The following TTK variants were observed in gnomAD, a reference collection of about 807,000 sequenced individuals.
TTK encodes the protein TTK protein kinase.
In TTK, 59 loss-of-function variants were observed where a neutral mutation model predicts 117.3. That is an observed-to-expected ratio of 0.50 (90% CI 0.41 to 0.62). The LOEUF is 0.62. TTK is among the 20% of genes least tolerant of loss of function. The pLI is 0.00. For missense variants in TTK, 921 were observed against 989.4 expected (o/e 0.93, Z 0.93); for synonymous variants, 302 against 325.0 (o/e 0.93, Z 0.76).
intron 14 of TTK, among the ~76,000 whole-genome samples, chr6:80,033,725 G>T (rs1210229437): frequency 6.6e-6 from 1 of 151,784 alleles, no homozygotes; most frequent in Admixed American, 6.6e-5. Flanking sequence ...GCATAAGGCT[G>T]TCTTATTAAC....
At chr6:80,012,674 C>T (rs1767192896) in intron 8 of TTK, among the ~76,000 whole-genome samples, 1 of 151,944 alleles carries the variant, frequency 6.6e-6, no homozygotes. Context: ...TCATTACTAT[C>T]TTTTATAATT....
chr6:80,035,231 T>G, intron 15 of TTK, 35 bp from the exon 16 acceptor site: 1 of 1,557,506 alleles, frequency 6.4e-7, no homozygotes, highest in Non-Finnish European at 8.6e-7. Context: ...ACCTAGCCAT[T>G]TATTGTTTTG....
At chr6:80,030,265 T>TC (rs1767721499) in intron 13 of TTK, among the ~76,000 whole-genome samples, 1 of 152,108 alleles carries the variant, frequency 6.6e-6, no homozygotes. Flanking sequence ...CTCTCAGCAC[T>TC]CCATCTGTTC....
chr6:80,026,517 A>T lies in TTK; in HGVS notation c.1394+3A>T. On this transcript the variant is annotated splice_donor_region_variant and intron_variant, in intron 12 of 21. Coordinates refer to ENST00000369798, the MANE Select transcript of TTK (RefSeq NM_003318.5). ...ACCTTGGATGATTACATGAGCTGGTAATTACTTTGGCCCCTTGCTTGATTG... is the reference window on the plus strand; with the variant it reads ...ACCTTGGATGATTACATGAGCTGGTTATTACTTTGGCCCCTTGCTTGATTG... The T allele has an allele frequency of 1.2e-6, 2 of 1,613,392 alleles. No individual in the cohort carries two copies. Among genetic ancestry groups the T allele is most frequent in the South Asian group, 1.1e-5 (1 of 90,878 alleles).
In TTK at chr6:80,013,316, C is replaced by A; in HGVS notation, c.934C>A (p.Pro312Thr). 1 of 1,601,968 alleles carries A rather than the reference C, an allele frequency of 6.2e-7. No homozygotes were observed. The highest frequency in any genetic ancestry group is 1.1e-5 in the South Asian group (1 of 88,532). The change falls in exon 9 of 22, where the codon CCT becomes ACT. Residue 312 changes from proline (P) to threonine (T), a missense_variant. Physicochemically the swap from Pro to Thr is conservative, Grantham distance 38. Coordinates refer to ENST00000369798, the MANE Select transcript of TTK (RefSeq NM_003318.5). ...SRSECRDLVV[P>T]GSKPSGNDSC... ...ATCAGAATGCCGAGATTTGGTTGTG[C>A]CTGGATCTAAACCAAGTGGAAATGA... is the stretch of plus-strand genomic sequence containing the variant.
chr6:80,033,979 A>G (rs1236576208), intron 14 of TTK, among the ~76,000 whole-genome samples: 2 of 152,170 alleles, frequency 1.3e-5, no homozygotes, highest in Non-Finnish European at 2.9e-5. Context: ...AGTAGTCTTA[A>G]TGGCATTTTA....
chr6:80,030,731 C>T (rs1320378407), intron 13 of TTK, among the ~76,000 whole-genome samples: 5 of 152,118 alleles, frequency 3.3e-5, no homozygotes, highest in African/African-American at 7.2e-5. Flanking sequence ...CACCAGGCCC[C>T]GCCTCCAACA....
At chr6:80,014,370 C>A in intron 9 of TTK, 93 bp from the exon 10 acceptor site, 1 of 1,163,188 alleles carries the variant, frequency 8.6e-7, no homozygotes, top group Non-Finnish European at 1.2e-6. Context: ...ATGAGCAATC[C>A]ATGTATAGAT....
Position 80,036,594 on chromosome 6 carries a change from T to A in TTK, c.2044T>A (p.Ser682Thr), listed in dbSNP as rs1226778611. The part of the protein sequence containing the change: ...QPDTTSVVKD[S>T]QVGTVNYMPP... ...AGATACAACAAGTGTTGTTAAAGAT[T>A]CTCAGGTAAGACTTAATGTTGGTTC... The change falls in exon 17 of 22, where the codon TCT becomes ACT. Residue 682 changes from serine to threonine, a missense_variant. By Grantham distance (58) the Ser-to-Thr change is moderately conservative. Transcript: ENST00000369798. 6.2e-7 allele frequency: 1 copy of A among 1,607,824 alleles called. No homozygotes were observed. The highest frequency in any genetic ancestry group is 8.5e-7 in the Non-Finnish European group (1 of 1,177,404).
chr6:80,010,774 T>TAAAGA (rs199573945), intron 4 of TTK, 40 bp from the exon 5 acceptor site: 926,479 of 1,573,872 alleles, frequency 0.59, 276,158 homozygotes, highest in Admixed American at 0.77. Context: ...TGGTGGGCAT[T>TAAAGA]TTACTGCCTA....
intron 10 of TTK, among the ~76,000 whole-genome samples, chr6:80,015,235 G>A (rs907820771): frequency 1.3e-5 from 2 of 152,138 alleles, no homozygotes; most frequent in African/African-American, 2.4e-5. Flanking sequence ...CACAGACAAC[G>A]AGTAAAATGT....
chr6:80,037,926 A>T, intron 17 of TTK, 41 bp from the exon 18 acceptor site: 1 of 1,289,040 alleles, frequency 7.8e-7, no homozygotes, highest in Admixed American at 2.5e-5. Flanking sequence ...GCAGAATTAA[A>T]TATTTTCATT....
intron 4 of TTK, 29 bp downstream of exon 4, chr6:80,008,521 TAAGTA>T (rs1290914109): frequency 6.4e-7 from 1 of 1,572,800 alleles, no homozygotes; most frequent in South Asian, 1.2e-5. Context: ...ATTCAAATTT[TAAGTA>T]AAGGATAACT....
chr6:80,028,611 C>T (rs1458775735), intron 13 of TTK, among the ~76,000 whole-genome samples: 1 of 152,120 alleles, frequency 6.6e-6, no homozygotes, highest in African/African-American at 2.4e-5. Flanking sequence ...AGCCACTGCG[C>T]CTGGCCAGCG....
At chr6:80,034,025 C>T (rs1033529968) in intron 14 of TTK, among the ~76,000 whole-genome samples, 6 of 151,940 alleles carry the variant, frequency 3.9e-5, no homozygotes. Flanking sequence ...AAGGTGTAAG[C>T]TTACTTAAGT....
In TTK at chr6:80,027,867, T is replaced by A. The variant is rs776446706; in HGVS notation, c.1395-18T>A. ...TAAATTGTAATGTTTTAAATAAAAA[T>A]ATATATATATTTCCTAGTTTTAGAA... is the stretch of plus-strand genomic sequence containing the variant. On this transcript the variant is annotated intron_variant, in intron 12 of 21. Coordinates refer to ENST00000369798, the MANE Select transcript of TTK (RefSeq NM_003318.5). 5.0e-5 allele frequency: 74 copies of A among 1,465,546 alleles called. No homozygotes were observed. The highest frequency in any genetic ancestry group is 3.5e-4 in the Middle Eastern group (2 of 5,636). 90.8% of individuals were successfully genotyped at this position (1,465,546 alleles called of 1,614,324 possible).
chr6:80,041,931 A>G (rs555431766), intron 21 of TTK, among the ~76,000 whole-genome samples, 188 bp from the exon 22 acceptor site: 2 of 151,850 alleles, frequency 1.3e-5, no homozygotes, highest in East Asian at 3.9e-4. Context: ...ATGATAGGTA[A>G]TGCTTAAGGC....
In TTK at chr6:80,008,051, CTA is replaced by C; in HGVS notation, c.362+22_362+23del. 1 of 1,604,436 alleles carries C rather than the reference CTA, an allele frequency of 6.2e-7. No individual in the cohort carries two copies. Among genetic ancestry groups the C allele is most frequent in the Non-Finnish European group, 8.5e-7 (1 of 1,173,978 alleles). ...AAAAGCGTAAGTATTAGCATTTTAA[CTA>C]TGTTCAACTATGTTACATAATATGT... On this transcript the variant is annotated intron_variant, in intron 3 of 21. Coordinates refer to ENST00000369798, the MANE Select transcript of TTK (RefSeq NM_003318.5).
At chr6:80,016,560 G>A (rs535221182) in intron 10 of TTK, among the ~76,000 whole-genome samples, 13 of 152,076 alleles carry the variant, frequency 8.5e-5, no homozygotes, top group Admixed American at 4.6e-4. Flanking sequence ...TAATATTTCT[G>A]TTGGTTTTTC....
Sources: allele counts gnomAD v4.1 joint callset (sites outside exome capture counted in the v4.1 genomes callset), GRCh38; gene constraint gnomAD v4.1.1; transcripts MANE v1.5; gene names NCBI Gene and HGNC (gene_info 2026-07-23, HGNC 2026-07-21).